Variants in PRR5 observed in about 807,000 individuals in gnomAD.
PRR5 encodes proline-rich protein 5.
A neutral mutation model predicts 30.6 loss-of-function variants in PRR5; 25 were observed. The ratio of observed to expected loss-of-function variants is 0.82; its 90% CI spans 0.60 to 1.14. The LOEUF (loss-of-function observed/expected upper bound fraction) is 1.14, where lower values mean the gene tolerates loss of function less well. PRR5 is among the 50% of genes most tolerant of loss of function. The probability of loss-of-function intolerance (pLI) is 0.00; values close to 1 mark genes in which losing one functional copy is unlikely to be tolerated. For synonymous variants in PRR5, 286 were observed against 247.1 expected (o/e 1.16, Z -1.48); for missense variants, 600 against 547.1 (o/e 1.10, Z -0.96).
At chr22:44,674,402 G>A (rs997920963), upstream of PRR5, among the ~76,000 whole-genome samples, 3 of 152,208 alleles carry the variant, frequency 2.0e-5, no homozygotes, top group Middle Eastern at 3.4e-3. Flanking sequence ...TTGGGAGGCC[G>A]AGATGGGTGG....
At chr22:44,672,379 G>T (rs1483849631), upstream of PRR5, among the ~76,000 whole-genome samples, 1 of 152,178 alleles carries the variant, frequency 6.6e-6, no homozygotes, top group African/African-American at 2.4e-5. Flanking sequence ...GGGGTCAGGA[G>T]TTCGAGAGCA....
rs769308589 is a variant in PRR5 at position 44,702,740 on chromosome 22, A to G, written c.134+132A>G. ...GCGGCGCGGCGCTTCACAGTTTGCAAAGAACTTGCCCCGCCGGAGTGGTGC... is the reference window on the plus strand; with the variant it reads ...GCGGCGCGGCGCTTCACAGTTTGCAGAGAACTTGCCCCGCCGGAGTGGTGC... On this transcript the variant is annotated intron_variant, in intron 1 of 7. Coordinates refer to ENST00000336985, the MANE Select transcript of PRR5 (RefSeq NM_181333.4). The G allele has an allele frequency of 6.6e-4, 792 of 1,197,392 alleles. 2 individuals carry two copies. Among genetic ancestry groups the G allele is most frequent in the Non-Finnish European group, 7.7e-4 (737 of 959,798 alleles). 74.2% of individuals were successfully genotyped at this position (1,197,392 alleles called of 1,614,324 possible).
intron 1 of PRR5, among the ~76,000 whole-genome samples, chr22:44,685,872 A>G (rs961800881): frequency 6.6e-6 from 1 of 152,194 alleles, no homozygotes; most frequent in Non-Finnish European, 1.5e-5. Context: ...AGATGGTTCC[A>G]CTTGCAGGCC....
chr22:44,694,263 T>G (rs1925549976), intron 1 of PRR5, among the ~76,000 whole-genome samples: 1 of 152,094 alleles, frequency 6.6e-6, no homozygotes, highest in Non-Finnish European at 1.5e-5. Flanking sequence ...GCTGGCCAGG[T>G]GTGGTGGCTC....
At chr22:44,695,187 A>G (rs925594851) in intron 1 of PRR5, among the ~76,000 whole-genome samples, 1 of 152,098 alleles carries the variant, frequency 6.6e-6, no homozygotes, top group African/African-American at 2.4e-5. Context: ...TAATAATAAA[A>G]TAAGAAGGAG....
intron 1 of PRR5, among the ~76,000 whole-genome samples, chr22:44,670,541 G>T (rs567350827): frequency 6.6e-6 from 1 of 152,338 alleles, no homozygotes; most frequent in Non-Finnish European, 1.5e-5. Flanking sequence ...ACCCCACGTC[G>T]CAAGCACACC....
chr22:44,734,991 G>A, intron 6 of PRR5, 36 bp from the exon 7 acceptor site: 1 of 1,587,686 alleles, frequency 6.3e-7, no homozygotes, highest in Non-Finnish European at 8.6e-7. Flanking sequence ...AAGCTCGGGT[G>A]CATGACCCCC....
intron 1 of PRR5, among the ~76,000 whole-genome samples, chr22:44,692,912 G>T (rs1186535155): frequency 6.6e-6 from 1 of 152,140 alleles, no homozygotes; most frequent in Non-Finnish European, 1.5e-5. Flanking sequence ...CTGCCAGGCT[G>T]GGATACCTTT....
chr22:44,732,033 C>G (rs796180430), intron 5 of PRR5, among the ~76,000 whole-genome samples: 2 of 152,232 alleles, frequency 1.3e-5, no homozygotes, highest in African/African-American at 4.8e-5. Context: ...CCCCCAGCAG[C>G]GAGGCACAGC....
chr22:44,702,751 C>G, intron 1 of PRR5, 143 bp downstream of exon 1: 2 of 1,181,716 alleles, frequency 1.7e-6, no homozygotes, highest in Non-Finnish European at 2.1e-6. Flanking sequence ...AGAACTTGCC[C>G]CGCCGGAGTG....
chr22:44,728,851 G>T (rs964692326), intron 4 of PRR5, among the ~76,000 whole-genome samples: 3 of 152,206 alleles, frequency 2.0e-5, no homozygotes, highest in African/African-American at 7.2e-5. Context: ...AGCCTCCAGG[G>T]AGGCCTTGGA....
chr22:44,732,355 GC>G lies in PRR5; in HGVS notation c.524del (p.Pro175LeufsTer19). Reference protein sequence around the residue: ...DALARAHARVPPAIVQMLLVL... With the variant: ...DALARAHARVXPAIVQMLLVL... ...CGCTGGCCCGGGCCCATGCCCGTGTGCCCCCTGCCATCGTGCAGATGCTGCT... is the reference window on the plus strand; with the variant it reads ...CGCTGGCCCGGGCCCATGCCCGTGTGCCCCTGCCATCGTGCAGATGCTGCT... On this transcript the variant is annotated frameshift_variant, in exon 6 of 8. Coordinates refer to ENST00000336985, the MANE Select transcript of PRR5 (RefSeq NM_181333.4). LOFTEE classifies it high-confidence loss of function. The G allele has an allele frequency of 1.9e-6, 3 of 1,611,208 alleles. No individual in the cohort carries two copies. The highest frequency in any genetic ancestry group is 1.7e-6 in the Non-Finnish European group (2 of 1,179,702).
chr22:44,721,535 C>A (rs576376305), intron 2 of PRR5, among the ~76,000 whole-genome samples: 75 of 152,322 alleles, frequency 4.9e-4, no homozygotes, highest in African/African-American at 1.6e-3. Flanking sequence ...GAGGTTCTTG[C>A]AGTTTTTCAT....
At chr22:44,699,712 C>G (rs977521362), upstream of PRR5, among the ~76,000 whole-genome samples, 3 of 152,148 alleles carry the variant, frequency 2.0e-5, no homozygotes, top group African/African-American at 7.2e-5. Context: ...AACAGGACGC[C>G]CCCTGAGCCT....
intron 1 of PRR5, among the ~76,000 whole-genome samples, chr22:44,708,948 C>A: frequency 8.9e-6 from 1 of 112,460 alleles, no homozygotes; most frequent in Non-Finnish European, 1.7e-5. Flanking sequence ...GCCTGGGGGA[C>A]AGAGTGAGAC....
chr22:44,675,762 G>GTTATTATTATTATCA (rs1555894617), upstream of PRR5, among the ~76,000 whole-genome samples: 5 of 142,962 alleles, frequency 3.5e-5, no homozygotes, highest in African/African-American at 1.3e-4. Context: ...TGTTGCTGTT[G>GTTATTATTATTATCA]TTATTATTAT....
intron 6 of PRR5, chr22:44,734,683 C>T: frequency 3.8e-6 from 1 of 261,520 alleles, no homozygotes; most frequent in Non-Finnish European, 7.3e-6. Flanking sequence ...GCCAGTGTCT[C>T]TGGAGAGACT....
intron 2 of PRR5, among the ~76,000 whole-genome samples, chr22:44,716,681 G>A (rs926927114): frequency 1.3e-5 from 2 of 152,182 alleles, no homozygotes; most frequent in Non-Finnish European, 2.9e-5. Flanking sequence ...GAATAGAGCT[G>A]GAGCTCAAGC....
chr22:44,706,097 G>C (rs1013168979), intron 1 of PRR5, among the ~76,000 whole-genome samples: 2 of 152,140 alleles, frequency 1.3e-5, no homozygotes, highest in African/African-American at 2.4e-5. Flanking sequence ...ACCACACCAG[G>C]CTCCCTCCCC....
Sources: gnomAD v4.1 joint callset for allele counts (sites outside exome capture counted in the v4.1 genomes callset) on GRCh38, gnomAD v4.1.1 for gene constraint, MANE v1.5 for transcripts, NCBI Gene and HGNC (gene_info 2026-07-23, HGNC 2026-07-21) for gene names.